PDE1A: variants seen among roughly 807,000 people sequenced by gnomAD.
PDE1A encodes phosphodiesterase 1A.
A neutral mutation model predicts 61.7 loss-of-function variants in PDE1A; 35 were observed. The observed-to-expected ratio is 0.57, with a 90% CI of 0.43 to 0.75. The LOEUF is 0.75. Ranked by LOEUF, PDE1A falls within the 30% of genes least tolerant of loss-of-function variation. The pLI, the probability that PDE1A is intolerant of heterozygous loss-of-function variation, is 0.00. For missense variants in PDE1A, 597 were observed against 630.6 expected (o/e 0.95, Z 0.57); for synonymous variants, 232 against 213.2 (o/e 1.09, Z -0.77).
chr2:182,270,729 A>G (rs1692957641), intron 1 of PDE1A, among the ~76,000 whole-genome samples: 1 of 151,336 alleles, frequency 6.6e-6, no homozygotes, highest in Non-Finnish European at 1.5e-5. Flanking sequence ...TATAATATAT[A>G]TTAATATTAA....
At chr2:182,146,259 C>T (rs929043483), downstream of PDE1A, among the ~76,000 whole-genome samples, 1 of 151,994 alleles carries the variant, frequency 6.6e-6, no homozygotes, top group Non-Finnish European at 1.5e-5. Context: ...GAAAACAAGC[C>T]CTAGAAGCTG....
chr2:182,453,696 G>A (rs113724191), intron 2 of PDE1A, among the ~76,000 whole-genome samples: 2 of 152,066 alleles, frequency 1.3e-5, no homozygotes, highest in Non-Finnish European at 2.9e-5. Flanking sequence ...ATGCAGAAAA[G>A]GCCTTTGACA....
the PDE1A span, among the ~76,000 whole-genome samples, chr2:182,690,016 T>A: frequency 5.9e-5 from 9 of 152,108 alleles, no homozygotes; most frequent in African/African-American, 2.2e-4. Flanking sequence ...AATAACAGGC[T>A]CTGAAATTGA....
chr2:182,498,854 G>A (rs969337689), intron 2 of PDE1A, among the ~76,000 whole-genome samples: 29 of 152,168 alleles, frequency 1.9e-4, no homozygotes, highest in African/African-American at 6.7e-4. Context: ...TGAGGCAGGA[G>A]AATGGCGTGA....
chr2:182,257,657 A>T (rs1691915802), intron 2 of PDE1A, among the ~76,000 whole-genome samples: 1 of 152,184 alleles, frequency 6.6e-6, no homozygotes, highest in Non-Finnish European at 1.5e-5. Flanking sequence ...GTCTTTTAAC[A>T]TAGGGGTTGA....
intron 2 of PDE1A, among the ~76,000 whole-genome samples, chr2:182,245,741 C>T (rs1690896455): frequency 6.6e-6 from 1 of 152,138 alleles, no homozygotes. Flanking sequence ...ATAGTCTATG[C>T]ATTCTACTAT....
At chr2:182,616,312 G>T in the PDE1A span, among the ~76,000 whole-genome samples, 1 of 152,206 alleles carries the variant, frequency 6.6e-6, no homozygotes, top group Non-Finnish European at 1.5e-5. Context: ...CATTTTACCA[G>T]TGAGGTAGCT....
At chr2:182,591,230 A>C in the PDE1A span, among the ~76,000 whole-genome samples, 1 of 152,168 alleles carries the variant, frequency 6.6e-6, no homozygotes, top group Non-Finnish European at 1.5e-5. Context: ...CATTCTCAAA[A>C]TTTCTTAGTC....
chr2:182,673,445 C>G, the PDE1A span, among the ~76,000 whole-genome samples: 2 of 152,198 alleles, frequency 1.3e-5, no homozygotes, highest in Admixed American at 6.5e-5. Context: ...TTACTGGTGT[C>G]TTCCTTTTAG....
the PDE1A span, among the ~76,000 whole-genome samples, chr2:182,688,686 C>T: frequency 1.3e-5 from 2 of 152,128 alleles, no homozygotes; most frequent in African/African-American, 4.8e-5. Flanking sequence ...CAATACTAAC[C>T]TTAAATGTAA....
the PDE1A span, among the ~76,000 whole-genome samples, chr2:182,709,451 A>AT: frequency 5.3e-5 from 8 of 152,322 alleles, no homozygotes; most frequent in Admixed American, 2.0e-4. Context: ...CTAGCTAGGC[A>AT]TTGAAGGAAA....
chr2:182,470,199 A>C (rs953611472), intron 2 of PDE1A, among the ~76,000 whole-genome samples: 1 of 151,832 alleles, frequency 6.6e-6, no homozygotes, highest in African/African-American at 2.4e-5. Context: ...AGTGTAATGA[A>C]ATGAGGTGTT....
At chr2:182,581,451 G>T in the PDE1A span, among the ~76,000 whole-genome samples, 3 of 152,110 alleles carry the variant, frequency 2.0e-5, no homozygotes, top group Non-Finnish European at 1.5e-5. Context: ...AAGGGCCTTT[G>T]CACACAAATG....
the PDE1A span, among the ~76,000 whole-genome samples, chr2:182,531,226 C>CA: frequency 8.6e-5 from 13 of 150,716 alleles, no homozygotes; most frequent in South Asian, 2.1e-4. Context: ...AAAACAGAAA[C>CA]AAAAAACAGA....
chr2:182,573,972 TACAC>T, the PDE1A span, among the ~76,000 whole-genome samples: 90 of 142,738 alleles, frequency 6.3e-4, no homozygotes, highest in East Asian at 3.0e-3. Context: ...TATTTTTTTA[TACAC>T]ACACACACAC....
At chr2:182,667,821 T>C in the PDE1A span, among the ~76,000 whole-genome samples, 1 of 152,220 alleles carries the variant, frequency 6.6e-6, no homozygotes, top group Admixed American at 6.5e-5. Context: ...AGAGATTTTA[T>C]AAGTTCCAAA....
chr2:182,644,154 CACACAG>C, the PDE1A span, among the ~76,000 whole-genome samples: 1 of 150,978 alleles, frequency 6.6e-6, no homozygotes, highest in Non-Finnish European at 1.5e-5. Flanking sequence ...CACACACACA[CACACAG>C]AGCCTTGTAA....
At chr2:182,555,227 T>C in the PDE1A span, among the ~76,000 whole-genome samples, 1 of 152,238 alleles carries the variant, frequency 6.6e-6, no homozygotes, top group Non-Finnish European at 1.5e-5. Context: ...TTTATGAAGC[T>C]TTTCTTAAAT....
At chr2:182,344,593 A>G (rs1466584252) in intron 1 of PDE1A, among the ~76,000 whole-genome samples, 3 of 152,174 alleles carry the variant, frequency 2.0e-5, no homozygotes, top group African/African-American at 7.2e-5. Context: ...CTGGACAAAG[A>G]AATATTCAGT....
Sources: allele counts gnomAD v4.1 joint callset (sites outside exome capture counted in the v4.1 genomes callset), GRCh38; gene constraint gnomAD v4.1.1; transcripts MANE v1.5; gene names NCBI Gene and HGNC (gene_info 2026-07-23, HGNC 2026-07-21).